The following HEMK2 variants were observed in gnomAD, a reference collection of about 807,000 sequenced individuals.
HEMK2 encodes the protein methyltransferase HEMK2.
the HEMK2 span, among the ~76,000 whole-genome samples, chr21:28,695,714 G>A: frequency 8.6e-5 from 11 of 128,524 alleles, no homozygotes; most frequent in South Asian, 5.1e-4. Context: ...TTCTGCCCCC[G>A]CCCCCTCCCA....
At chr21:28,830,853 G>A in the HEMK2 span, among the ~76,000 whole-genome samples, 34,275 of 148,482 alleles carry the variant, frequency 0.23, 5,622 homozygotes, top group African/African-American at 0.46. Flanking sequence ...CTCCAGCCTG[G>A]GTGACAGAGC....
the HEMK2 span, among the ~76,000 whole-genome samples, chr21:28,724,018 T>C: frequency 4.3e-4 from 65 of 152,176 alleles, no homozygotes; most frequent in Non-Finnish European, 4.4e-5. Flanking sequence ...TAAGAGTTGC[T>C]TTCATCTTCA....
At chr21:28,685,231 T>A in the HEMK2 span, among the ~76,000 whole-genome samples, 1 of 152,222 alleles carries the variant, frequency 6.6e-6, no homozygotes, top group South Asian at 2.1e-4. Context: ...GTTTTCCATA[T>A]GTTAGATTTT....
At chr21:28,869,236 TC>T in the HEMK2 span, among the ~76,000 whole-genome samples, 2 of 152,238 alleles carry the variant, frequency 1.3e-5, no homozygotes, top group Non-Finnish European at 1.5e-5. Context: ...TTATTTTTCT[TC>T]CCTTTAACCT....
the HEMK2 span, among the ~76,000 whole-genome samples, chr21:28,644,342 C>A: frequency 1.6e-3 from 240 of 152,304 alleles, 5 homozygotes; most frequent in East Asian, 0.036. Context: ...ATTCGGTCAC[C>A]TCTACCTGGT....
the HEMK2 span, among the ~76,000 whole-genome samples, chr21:28,849,422 T>C: frequency 6.6e-6 from 1 of 152,034 alleles, no homozygotes; most frequent in Admixed American, 6.5e-5. Flanking sequence ...GCCACACAGA[T>C]GAGAAAGAAC....
At chr21:28,737,624 C>T in the HEMK2 span, among the ~76,000 whole-genome samples, 1 of 151,954 alleles carries the variant, frequency 6.6e-6, no homozygotes, top group African/African-American at 2.4e-5. Context: ...AGATGAGCTG[C>T]TCTATGATTC....
the HEMK2 span, among the ~76,000 whole-genome samples, chr21:28,768,277 C>T: frequency 6.6e-6 from 1 of 152,106 alleles, no homozygotes; most frequent in Non-Finnish European, 1.5e-5. Flanking sequence ...ACTCTTGAAG[C>T]TTGTCCAAAG....
the HEMK2 span, among the ~76,000 whole-genome samples, chr21:28,680,925 A>C: frequency 5.3e-4 from 81 of 152,198 alleles, no homozygotes; most frequent in Non-Finnish European, 9.8e-4. Flanking sequence ...GCTATTTATG[A>C]CAAAACCACA....
the HEMK2 span, among the ~76,000 whole-genome samples, chr21:28,577,695 C>A: frequency 1.3e-5 from 2 of 152,112 alleles, no homozygotes; most frequent in Non-Finnish European, 2.9e-5. Context: ...TAGTATCTAT[C>A]CTAAATATTG....
At chr21:28,726,391 ATTAG>A in the HEMK2 span, among the ~76,000 whole-genome samples, 1 of 152,180 alleles carries the variant, frequency 6.6e-6, no homozygotes, top group African/African-American at 2.4e-5. Flanking sequence ...GATTTTTCTA[ATTAG>A]TTAATCTCTC....
At chr21:28,857,708 T>G in the HEMK2 span, among the ~76,000 whole-genome samples, 1 of 152,206 alleles carries the variant, frequency 6.6e-6, no homozygotes, top group African/African-American at 2.4e-5. Context: ...TAAAATTAAT[T>G]GCAATCCTGC....
chr21:28,804,028 A>T, the HEMK2 span, among the ~76,000 whole-genome samples: 60 of 152,356 alleles, frequency 3.9e-4, no homozygotes, highest in Non-Finnish European at 7.2e-4. Flanking sequence ...TTCCTCAGGA[A>T]ATTCATACTG....
the HEMK2 span, among the ~76,000 whole-genome samples, chr21:28,866,175 A>AAAAAAC: frequency 0.017 from 1,305 of 76,150 alleles, 385 homozygotes; most frequent in Middle Eastern, 0.062. Context: ...CAAAAAAAAA[A>AAAAAAC]ACACACACAC....
the HEMK2 span, among the ~76,000 whole-genome samples, chr21:28,814,827 C>T: frequency 1.8e-4 from 27 of 152,140 alleles, no homozygotes; most frequent in Non-Finnish European, 3.1e-4. Context: ...TGTGGCGATT[C>T]CTCAGGGATC....
chr21:28,866,148 G>GAAAAAAAAAAAAA, the HEMK2 span, among the ~76,000 whole-genome samples: 5 of 17,488 alleles, frequency 2.9e-4, 1 homozygote, highest in Admixed American at 4.5e-4. Context: ...TGTCTCTACA[G>GAAAAAAAAAAAAA]AAAAAACAAA....
chr21:28,606,558 A>G, the HEMK2 span, among the ~76,000 whole-genome samples: 1,628 of 152,300 alleles, frequency 0.011, 42 homozygotes, highest in African/African-American at 0.038. Flanking sequence ...AAAAAATGGG[A>G]AAAAACTGTG....
the HEMK2 span, among the ~76,000 whole-genome samples, chr21:28,780,952 T>C: frequency 6.6e-6 from 1 of 152,182 alleles, no homozygotes; most frequent in Non-Finnish European, 1.5e-5. Flanking sequence ...GCTACACTTA[T>C]CCTGCAGTGA....
the HEMK2 span, among the ~76,000 whole-genome samples, chr21:28,675,997 A>G: frequency 0.24 from 36,611 of 152,164 alleles, 5,658 homozygotes; most frequent in Non-Finnish European, 0.35. Flanking sequence ...TTACTCCAAC[A>G]CAGAATCCTT....
Sources: allele counts gnomAD v4.1 joint callset (sites outside exome capture counted in the v4.1 genomes callset), GRCh38; gene constraint gnomAD v4.1.1; transcripts MANE v1.5; gene names NCBI Gene and HGNC (gene_info 2026-07-23, HGNC 2026-07-21).